ARHGAP24: variants seen among roughly 807,000 people sequenced by gnomAD.
ARHGAP24 encodes Rho GTPase activating protein 24.
Under a neutral mutation model 76.4 loss-of-function variants are expected in ARHGAP24, and 50 were observed. That is an observed-to-expected ratio of 0.65 (90% confidence interval 0.52 to 0.83). The LOEUF (loss-of-function observed/expected upper bound fraction) is 0.83. ARHGAP24 is among the 40% of genes least tolerant of loss of function. The pLI, the probability that ARHGAP24 is intolerant of heterozygous loss-of-function variation, is 0.00. For synonymous variants in ARHGAP24, 345 were observed against 323.3 expected, an observed-to-expected ratio of 1.07 and a Z score of -0.72; for missense variants, 930 against 914.2, an observed-to-expected ratio of 1.02 and a Z score of -0.22.
intron 3 of ARHGAP24, among the ~76,000 whole-genome samples, chr4:85,889,500 G>A (rs185221816): frequency 2.6e-5 from 4 of 152,304 alleles, no homozygotes; most frequent in South Asian, 2.1e-4. Context: ...TAAAGCAGAA[G>A]TGAAACACCT....
At chr4:85,817,320 TC>T (rs1481201094) in intron 3 of ARHGAP24, among the ~76,000 whole-genome samples, 1 of 152,188 alleles carries the variant, frequency 6.6e-6, no homozygotes. Flanking sequence ...AGGAGTGATA[TC>T]CAAAAAAATT....
chr4:85,736,265 G>T (rs528892361), intron 3 of ARHGAP24, among the ~76,000 whole-genome samples: 41 of 152,306 alleles, frequency 2.7e-4, no homozygotes, highest in African/African-American at 9.9e-4. Flanking sequence ...TCTCACTCAA[G>T]AATGTAAGTT....
intron 2 of ARHGAP24, among the ~76,000 whole-genome samples, chr4:85,623,032 TC>T (rs1223520269): frequency 1.3e-5 from 2 of 152,208 alleles, no homozygotes; most frequent in African/African-American, 4.8e-5. Flanking sequence ...AAAGATTTTC[TC>T]CCATTCTGTA....
chr4:85,731,012 A>T (rs867531768), intron 3 of ARHGAP24, among the ~76,000 whole-genome samples: 50 of 133,666 alleles, frequency 3.7e-4, no homozygotes, highest in Non-Finnish European at 3.3e-4. Flanking sequence ...ACACACACAC[A>T]CACACACACA....
intron 5 of ARHGAP24, among the ~76,000 whole-genome samples, chr4:85,967,262 G>A (rs1439040686): frequency 6.6e-6 from 1 of 152,076 alleles, no homozygotes; most frequent in Non-Finnish European, 1.5e-5. Flanking sequence ...AAGAAAATGA[G>A]GCATGGTGTG....
At chr4:85,800,595 A>C (rs1728536918) in intron 3 of ARHGAP24, among the ~76,000 whole-genome samples, 1 of 152,086 alleles carries the variant, frequency 6.6e-6, no homozygotes, top group South Asian at 2.1e-4. Context: ...GAGAAAGAAG[A>C]AAAAAGAGGA....
rs199523555 is a variant in ARHGAP24, at chr4:85,995,297, A to G, written c.1643A>G (p.Gln548Arg). ...QFSMMNLDDKQSIDSATWSTS... is the reference protein window; with the variant it reads ...QFSMMNLDDKRSIDSATWSTS... ...TCCATGATGAACCTTGATGACAAGC[A>G]GAGCATTGACAGTGCTACCTGGTCC... Residue 548 changes from glutamine to arginine, a missense_variant, in exon 9 of 10, where the codon CAG becomes CGG. Transcript: ENST00000395184. The G allele has an allele frequency of 6.2e-7, 1 of 1,614,102 alleles. No homozygotes were observed. The highest frequency in any genetic ancestry group is 1.7e-5 in the Admixed American group (1 of 60,006).
Position 85,855,286 on chromosome 4 carries a change from G to A in ARHGAP24, c.269-68362G>A, listed in dbSNP as rs530859911. Among the ~76,000 whole-genome samples, 12 of 152,242 alleles carry A rather than the reference G, an allele frequency of 7.9e-5. No individual in the cohort carries two copies. The East Asian group carries it at 2.1e-3, about 27-fold the overall frequency. On this transcript the variant is annotated intron_variant, in intron 3 of 9. Coordinates refer to ENST00000395184, the MANE Select transcript of ARHGAP24 (RefSeq NM_001025616.3). ...TATCCAATGTTTTCATCCCTAAACC[G>A]CATAAAGCCTAAATTAGAAAAGTTG...
At position 85,661,351 on chromosome 4, in the gene ARHGAP24, G is replaced by C. The variant is rs551820484; in HGVS notation, c.181-60534G>C. 2.0e-5 allele frequency among the ~76,000 whole-genome samples: 3 copies of C among 152,268 alleles called. No homozygotes were observed. The South Asian group carries it at 6.2e-4, about 32-fold the overall frequency. Reference sequence around the variant, plus strand: ...TATTCTGGTTTATCTTTTTCTCTGAGTGGTGAAAACAAAATACGTCGTAGG... The same window carrying C: ...TATTCTGGTTTATCTTTTTCTCTGACTGGTGAAAACAAAATACGTCGTAGG... On this transcript the variant is annotated intron_variant, in intron 2 of 9. Transcript: ENST00000395184.
In ARHGAP24 at chr4:86,001,349, C is replaced by T. The variant is rs2148877429; in HGVS notation, c.*627C>T. On this transcript the variant is annotated 3_prime_UTR_variant, in exon 10 of 10. Coordinates refer to ENST00000395184, the MANE Select transcript of ARHGAP24 (RefSeq NM_001025616.3). ...GCTGCTTTTAAAATTCTTCCCCTGG[C>T]ACCACTCAGTTTTGCTTTTGCGAGG... 5.0e-6 allele frequency: 2 copies of T among 398,976 alleles called. No individual in the cohort carries two copies. Among genetic ancestry groups the T allele is most frequent in the Admixed American group, 8.8e-5 (2 of 22,722 alleles). 24.7% of individuals were successfully genotyped at this position (398,976 alleles called of 1,614,324 possible). A position where few individuals can be genotyped will look rare whatever the true frequency, so the allele number is the denominator to read the frequency against.
intron 3 of ARHGAP24, among the ~76,000 whole-genome samples, chr4:85,904,905 C>G (rs1328474506): frequency 6.6e-6 from 1 of 152,060 alleles, no homozygotes; most frequent in Non-Finnish European, 1.5e-5. Context: ...GGTGAGTGAT[C>G]TTTTTCATAT....
chr4:86,000,782 A>G lies in ARHGAP24; in HGVS notation c.*60A>G. On this transcript the variant is annotated 3_prime_UTR_variant, in exon 10 of 10. Coordinates refer to ENST00000395184, the MANE Select transcript of ARHGAP24 (RefSeq NM_001025616.3). ...CAAGGACTCCAGGGATTCTGGTGGG[A>G]TATGACTTAGAACCAGGTGGCTGGT... is the stretch of plus-strand genomic sequence containing the variant. The G allele has an allele frequency of 6.2e-7, 1 of 1,610,234 alleles. No individual in the cohort carries two copies. The highest frequency in any genetic ancestry group is 8.5e-7 in the Non-Finnish European group (1 of 1,177,884).
At chr4:85,671,956 A>G (rs1318012958) in intron 2 of ARHGAP24, among the ~76,000 whole-genome samples, 6 of 152,170 alleles carry the variant, frequency 3.9e-5, no homozygotes, top group African/African-American at 1.2e-4. Flanking sequence ...CCAACCTTCA[A>G]TACATTCCAT....
Position 86,001,157 on chromosome 4 carries a change from G to A in ARHGAP24, c.*435G>A, listed in dbSNP as rs1186104320. ...TATTTTTATTTCCCTTTTTTGCTGA[G>A]GAAATGAAGATAAGCAAAAATATAA... On this transcript the variant is annotated 3_prime_UTR_variant, in exon 10 of 10. Transcript: ENST00000395184. 4 of 390,598 alleles carry A rather than the reference G, an allele frequency of 1.0e-5. No homozygotes were observed. The highest frequency in any genetic ancestry group is 1.8e-5 in the Non-Finnish European group (4 of 222,548). The allele number at this position is 390,598 out of a possible 1,614,324, so 24.2% of individuals were successfully genotyped here.
intron 5 of ARHGAP24, among the ~76,000 whole-genome samples, chr4:85,958,720 G>A (rs1256637399): frequency 6.6e-6 from 1 of 152,146 alleles, no homozygotes; most frequent in Non-Finnish European, 1.5e-5. Flanking sequence ...CAATCCTAGT[G>A]ATTTTTAGCA....
intron 3 of ARHGAP24, among the ~76,000 whole-genome samples, chr4:85,891,171 G>C (rs979015619): frequency 6.6e-6 from 1 of 152,106 alleles, no homozygotes. Flanking sequence ...TAAGGGGGAC[G>C]TTATACTACA....
At chr4:85,648,404 A>G (rs1323100331) in intron 2 of ARHGAP24, among the ~76,000 whole-genome samples, 1 of 152,140 alleles carries the variant, frequency 6.6e-6, no homozygotes, top group Non-Finnish European at 1.5e-5. Context: ...GTTACTTAAA[A>G]CTAGTTTGAA....
intron 3 of ARHGAP24, among the ~76,000 whole-genome samples, chr4:85,903,959 C>T (rs1012265717): frequency 3.6e-4 from 55 of 151,998 alleles, no homozygotes; most frequent in Admixed American, 2.6e-4. Context: ...TCTGGGAAGT[C>T]CTGCAGAGGG....
intron 3 of ARHGAP24, among the ~76,000 whole-genome samples, chr4:85,903,154 G>A (rs1427959360): frequency 1.3e-5 from 2 of 152,170 alleles, no homozygotes; most frequent in Non-Finnish European, 2.9e-5. Flanking sequence ...TTTCTTAAAT[G>A]AGAAATTTTA....
Sources: allele counts gnomAD v4.1 joint callset (sites outside exome capture counted in the v4.1 genomes callset), GRCh38; gene constraint gnomAD v4.1.1; transcripts MANE v1.5; gene names NCBI Gene and HGNC (gene_info 2026-07-23, HGNC 2026-07-21).